Variants in SMC1B observed in about 807,000 individuals in gnomAD.
SMC1B encodes structural maintenance of chromosomes protein 1B.
In SMC1B, 60 loss-of-function variants were observed where a neutral mutation model predicts 157.9. That is an observed-to-expected ratio of 0.38 (90% confidence interval 0.31 to 0.47). The LOEUF (loss-of-function observed/expected upper bound fraction) is 0.47. SMC1B is among the 20% of genes least tolerant of loss of function. The probability of loss-of-function intolerance (pLI) is 0.99; values close to 1 mark genes in which losing one functional copy is unlikely to be tolerated. For synonymous variants in SMC1B, 445 were observed against 483.0 expected (o/e 0.92, Z 1.03); for missense variants, 1,165 against 1,426.2 (o/e 0.82, Z 2.95).
At chr22:45,382,087 A>C (rs1165611833) in intron 12 of SMC1B, among the ~76,000 whole-genome samples, 1 of 152,238 alleles carries the variant, frequency 6.6e-6, no homozygotes, top group Non-Finnish European at 1.5e-5. Flanking sequence ...AGATGAATAA[A>C]AAATATAAAT....
At chr22:45,394,180 C>A (rs2087095435) in intron 8 of SMC1B, among the ~76,000 whole-genome samples, 1 of 151,784 alleles carries the variant, frequency 6.6e-6, no homozygotes, top group Non-Finnish European at 1.5e-5. Flanking sequence ...AAAAAATTAG[C>A]CAGGTGTGGT....
intron 8 of SMC1B, 101 bp downstream of exon 8, chr22:45,394,584 C>A: frequency 7.8e-7 from 1 of 1,282,894 alleles, no homozygotes. Flanking sequence ...TACCGTAAGC[C>A]ATGACTGCGC....
At chr22:45,401,303 ATTTCT>A (rs2087190401) in intron 5 of SMC1B, among the ~76,000 whole-genome samples, 1 of 152,238 alleles carries the variant, frequency 6.6e-6, no homozygotes, top group Non-Finnish European at 1.5e-5. Context: ...CCCCAAAATC[ATTTCT>A]TTTCTAACAA....
chr22:45,405,380 C>T (rs943941879), intron 4 of SMC1B, among the ~76,000 whole-genome samples: 1 of 151,798 alleles, frequency 6.6e-6, no homozygotes, highest in Non-Finnish European at 1.5e-5. Flanking sequence ...AACCCCGTCT[C>T]TACTAAAAAT....
In SMC1B at chr22:45,402,388, T is replaced by C. The variant is rs1198649923; in HGVS notation, c.799A>G (p.Lys267Glu). The C allele has an allele frequency of 6.2e-7, 1 of 1,613,914 alleles. No homozygotes were observed. The part of the protein sequence containing the change: ...SHHENIVKAR[K>E]KEHGMLTRQL... ...CTAGTTAGCATTCCATGTTCCTTTT[T>C]CCTGGCTTTAACTATGTTTTCATGA... Residue 267 changes from lysine (K) to glutamate (E), a missense_variant, in exon 5 of 25, where the codon AAA becomes GAA. Coordinates refer to ENST00000357450, the MANE Select transcript of SMC1B (RefSeq NM_148674.5).
chr22:45,410,471 G>C (rs1365851938), intron 1 of SMC1B, among the ~76,000 whole-genome samples: 4 of 152,166 alleles, frequency 2.6e-5, no homozygotes, highest in African/African-American at 4.8e-5. Flanking sequence ...GGGAGGCCGA[G>C]GCAGGAAGAT....
intron 17 of SMC1B, 85 bp downstream of exon 17, chr22:45,361,748 TCAAATG>T: frequency 7.9e-7 from 1 of 1,273,722 alleles, no homozygotes; most frequent in Non-Finnish European, 1.1e-6. Flanking sequence ...GGGCACATAT[TCAAATG>T]CAACTCATTT....
At chr22:45,348,949 CCGCCT>C (rs2086580514) in intron 23 of SMC1B, among the ~76,000 whole-genome samples, 1 of 152,126 alleles carries the variant, frequency 6.6e-6, no homozygotes, top group Middle Eastern at 3.4e-3. Context: ...AGCAATCCAC[CCGCCT>C]CAGCCTCCCG....
At chr22:45,378,981 T>C (rs973196826) in intron 12 of SMC1B, among the ~76,000 whole-genome samples, 3 of 152,134 alleles carry the variant, frequency 2.0e-5, no homozygotes, top group Non-Finnish European at 2.9e-5. Context: ...CATTCAGGTT[T>C]TTTTCTTTTT....
chr22:45,386,569 T>C (rs1011091968), intron 11 of SMC1B, among the ~76,000 whole-genome samples: 2 of 117,514 alleles, frequency 1.7e-5, no homozygotes, highest in Admixed American at 1.6e-4. Flanking sequence ...CCATATAAGG[T>C]TTAAAACAAC....
intron 17 of SMC1B, among the ~76,000 whole-genome samples, chr22:45,360,762 T>C (rs188086029): frequency 6.6e-6 from 1 of 152,386 alleles, no homozygotes; most frequent in African/African-American, 2.4e-5. Flanking sequence ...TGGCTGTATC[T>C]TGAAACACCG....
chr22:45,377,651 A>G (rs2086896321), intron 12 of SMC1B, among the ~76,000 whole-genome samples: 1 of 151,882 alleles, frequency 6.6e-6, no homozygotes, highest in Admixed American at 6.6e-5. Context: ...AAAAAAAAAA[A>G]ATTCCTTGTA....
Position 45,386,966 on chromosome 22 carries a change from C to T in SMC1B, c.1812G>A (p.Gln604=), listed in dbSNP as rs776346030. ...ACACAAACTGAATCACTTTCTTCAG[C>T]TGAGGAAACTGAGTCTTTATGACAT... ...VIDVIKTQFP[Q]LKKVIQFVCG... is the part of the protein sequence containing the mutation. Residue 604 remains glutamine (Q), a synonymous_variant, in exon 11 of 25, where the codon CAG becomes CAA. Coordinates refer to ENST00000357450, the MANE Select transcript of SMC1B (RefSeq NM_148674.5). The T allele has an allele frequency of 1.9e-6, 3 of 1,613,982 alleles. No homozygotes were observed. The highest frequency in any genetic ancestry group is 2.5e-6 in the Non-Finnish European group (3 of 1,179,976).
At chr22:45,348,158 A>C (rs993483078) in intron 23 of SMC1B, among the ~76,000 whole-genome samples, 1 of 152,124 alleles carries the variant, frequency 6.6e-6, no homozygotes, top group Non-Finnish European at 1.5e-5. Context: ...CTAAAATTCA[A>C]CTCCTAAGTG....
At chr22:45,405,540 A>G (rs75611307) in intron 4 of SMC1B, among the ~76,000 whole-genome samples, 3 of 152,080 alleles carry the variant, frequency 2.0e-5, no homozygotes, top group Middle Eastern at 3.2e-3. Flanking sequence ...GAAAAAAAAA[A>G]AGAGACAAGA....
intron 1 of SMC1B, among the ~76,000 whole-genome samples, chr22:45,412,327 A>G (rs1480806644): frequency 1.3e-5 from 2 of 151,196 alleles, no homozygotes; most frequent in Admixed American, 1.3e-4. Context: ...CAGCCTCCTC[A>G]GTAGCCGGGA....
chr22:45,366,144 C>G (rs1200768397), intron 15 of SMC1B, among the ~76,000 whole-genome samples: 1 of 152,196 alleles, frequency 6.6e-6, no homozygotes, highest in Non-Finnish European at 1.5e-5. Context: ...TTGCCTCAAC[C>G]TCCTGAGTAG....
intron 1 of SMC1B, among the ~76,000 whole-genome samples, chr22:45,409,670 T>C (rs2087308757): frequency 6.6e-6 from 1 of 152,094 alleles, no homozygotes; most frequent in South Asian, 2.1e-4. Flanking sequence ...GTTTGATTGG[T>C]ATGAGATGGT....
intron 10 of SMC1B, among the ~76,000 whole-genome samples, chr22:45,387,547 T>C (rs1252157090): frequency 6.6e-6 from 1 of 152,230 alleles, no homozygotes; most frequent in African/African-American, 2.4e-5. Context: ...TGGGTAATAT[T>C]TTTTAAAAAC....
Sources: gnomAD v4.1 joint callset for allele counts (sites outside exome capture counted in the v4.1 genomes callset) on GRCh38, gnomAD v4.1.1 for gene constraint, MANE v1.5 for transcripts, NCBI Gene and HGNC (gene_info 2026-07-23, HGNC 2026-07-21) for gene names.